Variants in NCKAP5 observed in about 807,000 individuals in gnomAD.
The protein encoded by NCKAP5 is NCK associated protein 5.
A neutral mutation model predicts 167.0 loss-of-function variants in NCKAP5; 92 were observed. The ratio of observed to expected loss-of-function variants is 0.55; its 90% confidence interval spans 0.47 to 0.66. The LOEUF (loss-of-function observed/expected upper bound fraction) is 0.66, where lower values mean the gene tolerates loss of function less well. NCKAP5 is among the 30% of genes least tolerant of loss of function. The pLI is 0.00. For missense variants in NCKAP5, 2,378 were observed against 2,315.0 expected, an observed-to-expected ratio of 1.03 and a Z score of -0.56; for synonymous variants, 891 against 877.4, an observed-to-expected ratio of 1.02 and a Z score of -0.27.
chr2:133,263,917 C>T (rs2089046852), intron 4 of NCKAP5, among the ~76,000 whole-genome samples: 1 of 152,134 alleles, frequency 6.6e-6, no homozygotes, highest in Non-Finnish European at 1.5e-5. Context: ...CTCAAGAATG[C>T]TTTGTAGCTA....
chr2:133,449,897 G>A (rs574802168), intron 3 of NCKAP5, among the ~76,000 whole-genome samples: 1 of 150,960 alleles, frequency 6.6e-6, no homozygotes, highest in African/African-American at 2.4e-5. Flanking sequence ...CACAATTTTT[G>A]TGGGTTGAAG....
intron 6 of NCKAP5, among the ~76,000 whole-genome samples, chr2:133,000,362 C>G: frequency 6.6e-6 from 1 of 152,138 alleles, no homozygotes; most frequent in East Asian, 1.9e-4. Flanking sequence ...CTCCCTTACC[C>G]TAGGCTTCCC....
chr2:133,644,300 C>A, the NCKAP5 span, among the ~76,000 whole-genome samples: 1 of 152,122 alleles, frequency 6.6e-6, no homozygotes. Flanking sequence ...TCAGTCTTCC[C>A]CTGCCTTCAG....
intron 11 of NCKAP5, among the ~76,000 whole-genome samples, chr2:132,836,654 T>C (rs1304501523): frequency 6.6e-6 from 1 of 152,140 alleles, no homozygotes; most frequent in Non-Finnish European, 1.5e-5. Context: ...CCAAGCAGTA[T>C]ACACTGCACC....
intron 5 of NCKAP5, among the ~76,000 whole-genome samples, chr2:133,151,091 T>G (rs1307594597): frequency 6.6e-6 from 1 of 152,224 alleles, no homozygotes; most frequent in Non-Finnish European, 1.5e-5. Flanking sequence ...ATTCTATTTG[T>G]TGGTTTAGGT....
At chr2:132,765,955 C>T (rs1428908631) in intron 16 of NCKAP5, among the ~76,000 whole-genome samples, 1 of 151,988 alleles carries the variant, frequency 6.6e-6, no homozygotes, top group Non-Finnish European at 1.5e-5. Flanking sequence ...AACAATCATC[C>T]TAGACCATGA....
intron 3 of NCKAP5, among the ~76,000 whole-genome samples, chr2:133,317,471 C>A (rs1037128546): frequency 2.6e-4 from 39 of 152,070 alleles, no homozygotes; most frequent in African/African-American, 9.2e-4. Context: ...GGAGGTAGAG[C>A]CATGAGGCTG....
At chr2:133,255,028 GA>G (rs1044828895) in intron 4 of NCKAP5, among the ~76,000 whole-genome samples, 22 of 151,688 alleles carry the variant, frequency 1.5e-4, no homozygotes, top group Admixed American at 1.3e-3. Context: ...ATTTGACTAT[GA>G]AAAAAAAGTT....
the NCKAP5 span, among the ~76,000 whole-genome samples, chr2:133,646,345 A>G: frequency 2.6e-5 from 4 of 152,164 alleles, no homozygotes; most frequent in African/African-American, 9.6e-5. Flanking sequence ...GCAAGAAAAT[A>G]GTGACTTGTC....
intron 5 of NCKAP5, among the ~76,000 whole-genome samples, chr2:133,153,136 T>C (rs1240717257): frequency 6.6e-6 from 1 of 152,222 alleles, no homozygotes; most frequent in Non-Finnish European, 1.5e-5. Context: ...CTAGGGGTCA[T>C]GGATGAATAG....
chr2:132,699,779 G>C (rs141752589), intron 19 of NCKAP5, among the ~76,000 whole-genome samples: 1 of 152,064 alleles, frequency 6.6e-6, no homozygotes, highest in African/African-American at 2.4e-5. Flanking sequence ...GAATAGTGTC[G>C]CAATAAACAT....
At chr2:132,758,934 T>C (rs936268071) in intron 16 of NCKAP5, among the ~76,000 whole-genome samples, 5 of 152,198 alleles carry the variant, frequency 3.3e-5, no homozygotes, top group Admixed American at 1.3e-4. Flanking sequence ...TTTAACCATG[T>C]TTTTAAATTA....
intron 3 of NCKAP5, among the ~76,000 whole-genome samples, chr2:133,317,825 C>T (rs763190741): frequency 1.3e-5 from 2 of 152,172 alleles, no homozygotes; most frequent in Admixed American, 6.5e-5. Context: ...CAAAGCAGGA[C>T]CCATCTGGCT....
At chr2:132,935,086 A>G (rs1458877628) in intron 8 of NCKAP5, among the ~76,000 whole-genome samples, 2 of 152,214 alleles carry the variant, frequency 1.3e-5, no homozygotes, top group African/African-American at 4.8e-5. Context: ...TTTTAGGTCC[A>G]TGAAGGTATC....
chr2:133,478,788 C>G (rs893147071), intron 3 of NCKAP5, among the ~76,000 whole-genome samples: 4 of 151,944 alleles, frequency 2.6e-5, no homozygotes, highest in Non-Finnish European at 2.9e-5. Flanking sequence ...ATGTAAGGAT[C>G]AGGGAGTCAC....
chr2:133,524,694 C>T (rs1684725933), intron 2 of NCKAP5, among the ~76,000 whole-genome samples: 1 of 152,160 alleles, frequency 6.6e-6, no homozygotes, highest in Non-Finnish European at 1.5e-5. Flanking sequence ...AACTCCAGTC[C>T]TCTTTGTATT....
chr2:132,976,661 C>T (rs1439600351), intron 7 of NCKAP5, among the ~76,000 whole-genome samples: 3 of 151,122 alleles, frequency 2.0e-5, no homozygotes, highest in African/African-American at 7.3e-5. Context: ...GTTCTCACCA[C>T]AAGAAATGAT....
At chr2:133,650,068 TA>T in the NCKAP5 span, among the ~76,000 whole-genome samples, 1 of 152,170 alleles carries the variant, frequency 6.6e-6, no homozygotes, top group African/African-American at 2.4e-5. Context: ...TTCAATACAC[TA>T]ACAGCAAACT....
rs369453791 is a variant in NCKAP5, at chr2:132,733,988, T to C, written c.5129-1937A>G. Among the ~76,000 whole-genome samples the C allele has an allele frequency of 1.8e-4, 27 of 152,338 alleles. No homozygotes were observed. The East Asian group carries it at 2.7e-3, about 15-fold the overall frequency. On this transcript the variant is annotated intron_variant, in intron 16 of 19. Coordinates refer to ENST00000409261, the MANE Select transcript of NCKAP5 (RefSeq NM_207363.3). ...TATGGTGTCATTTAACCATCTCATA[T>C]GCCATGGGATGTTTGGTCATGGACT...
Sources: gnomAD v4.1 joint callset for allele counts (sites outside exome capture counted in the v4.1 genomes callset) on GRCh38, gnomAD v4.1.1 for gene constraint, MANE v1.5 for transcripts, NCBI Gene and HGNC (gene_info 2026-07-23, HGNC 2026-07-21) for gene names.